The following CFAP299 variants were observed in gnomAD, a reference collection of about 807,000 sequenced individuals.
The protein encoded by CFAP299 is cilia and flagella associated protein 299.
Under a neutral mutation model 27.0 loss-of-function variants are expected in CFAP299, and 21 were observed. The observed-to-expected ratio is 0.78, with a 90% confidence interval of 0.55 to 1.12. CFAP299 has a LOEUF of 1.12. Among genes scored for constraint, CFAP299 ranks in the 50% most tolerant of loss-of-function variants. The probability of loss-of-function intolerance (pLI) is 0.00; values close to 1 mark genes in which losing one functional copy is unlikely to be tolerated. For synonymous variants in CFAP299, 104 were observed against 98.1 expected (o/e 1.06, Z -0.36); for missense variants, 310 against 276.6 (o/e 1.12, Z -0.86).
intron 2 of CFAP299, among the ~76,000 whole-genome samples, chr4:80,530,071 T>G (rs1733393009): frequency 6.6e-6 from 1 of 152,192 alleles, no homozygotes; most frequent in African/African-American, 2.4e-5. Context: ...ATTTTTAAAA[T>G]GCATGTGAGT....
intron 3 of CFAP299, among the ~76,000 whole-genome samples, chr4:80,663,706 G>A (rs1357414643): frequency 2.0e-5 from 3 of 152,088 alleles, no homozygotes; most frequent in East Asian, 3.9e-4. Flanking sequence ...TTGAGGAATC[G>A]CCACACTGTC....
intron 3 of CFAP299, among the ~76,000 whole-genome samples, chr4:80,668,863 T>G (rs1176158926): frequency 6.6e-6 from 1 of 152,102 alleles, no homozygotes. Flanking sequence ...ATGACATTGT[T>G]TTTTTGATAG....
rs941314015 is a variant in CFAP299, at chr4:80,365,336, T to C, written c.242+2452T>C. Among the ~76,000 whole-genome samples, 4 of 152,350 alleles carry C rather than the reference T, an allele frequency of 2.6e-5. No homozygotes were observed. The East Asian group carries it at 5.8e-4, about 22-fold the overall frequency. On this transcript the variant is annotated intron_variant, in intron 2 of 5. Coordinates refer to ENST00000358105, the MANE Select transcript of CFAP299 (RefSeq NM_152770.3). ...ATTGTGGTTTTGATTTGCCTTTCTC[T>C]AATGATCAGTGACGTTGAGCTTTTT...
In CFAP299 at chr4:80,352,574, T is replaced by A. The variant is rs116050892; in HGVS notation, c.112-10180T>A. ...AGAGTGAGACTCTGTCTCAAAAAAA[T>A]AAATAAATAAAAGAGCAGTTCACAC... On this transcript the variant is annotated intron_variant, in intron 1 of 5. Transcript: ENST00000358105. Among the ~76,000 whole-genome samples, 609 of 152,004 alleles carry A rather than the reference T, an allele frequency of 4.0e-3. 3 individuals carry two copies. The highest frequency in any genetic ancestry group is 0.012 in the African/African-American group (509 of 41,484).
intron 2 of CFAP299, among the ~76,000 whole-genome samples, chr4:80,486,629 G>A (rs1054789380): frequency 2.0e-5 from 3 of 152,176 alleles, no homozygotes; most frequent in Admixed American, 6.5e-5. Context: ...TAGGGTTCTT[G>A]TGCTTTCTAA....
At chr4:80,371,455 C>G (rs1053153443) in intron 2 of CFAP299, among the ~76,000 whole-genome samples, 4 of 152,176 alleles carry the variant, frequency 2.6e-5, no homozygotes, top group African/African-American at 7.2e-5. Context: ...TATCACATGG[C>G]TAGGCTGCAA....
At chr4:80,321,787 A>G in the CFAP299 span, among the ~76,000 whole-genome samples, 2 of 152,162 alleles carry the variant, frequency 1.3e-5, no homozygotes, top group African/African-American at 4.8e-5. Context: ...ACCAATACTT[A>G]GATTCTGGGA....
chr4:80,587,743 C>T (rs1411029427), intron 3 of CFAP299, among the ~76,000 whole-genome samples: 3 of 152,118 alleles, frequency 2.0e-5, no homozygotes, highest in Non-Finnish European at 4.4e-5. Flanking sequence ...CAGCATGTGT[C>T]ACCACACCCA....
intron 4 of CFAP299, among the ~76,000 whole-genome samples, chr4:80,891,424 A>G (rs935707297): frequency 7.3e-5 from 11 of 151,656 alleles, no homozygotes; most frequent in African/African-American, 1.9e-4. Flanking sequence ...ACCATGGAAT[A>G]CTATGCAGCC....
At chr4:80,729,273 C>A (rs1416144486) in intron 3 of CFAP299, among the ~76,000 whole-genome samples, 1 of 152,308 alleles carries the variant, frequency 6.6e-6, no homozygotes, top group East Asian at 1.9e-4. Flanking sequence ...GCTACCTTAA[C>A]CCATGCCTGA....
At chr4:80,634,898 A>G (rs920324610) in intron 3 of CFAP299, among the ~76,000 whole-genome samples, 1 of 152,162 alleles carries the variant, frequency 6.6e-6, no homozygotes, top group African/African-American at 2.4e-5. Flanking sequence ...ATTTGCTAAC[A>G]TGTAAAATGT....
chr4:80,339,998 T>C (rs1354802628), intron 1 of CFAP299, among the ~76,000 whole-genome samples: 1 of 152,166 alleles, frequency 6.6e-6, no homozygotes, highest in African/African-American at 2.4e-5. Flanking sequence ...CTTAGGGCAT[T>C]GTCTTCCCAT....
chr4:80,595,499 A>G (rs1018386154), intron 3 of CFAP299, among the ~76,000 whole-genome samples: 12 of 152,106 alleles, frequency 7.9e-5, no homozygotes, highest in African/African-American at 2.9e-4. Flanking sequence ...CTTGTCCAAA[A>G]TTTGTATGTA....
chr4:80,938,065 G>A (rs1195218627), intron 4 of CFAP299, among the ~76,000 whole-genome samples: 1 of 152,038 alleles, frequency 6.6e-6, no homozygotes, highest in Non-Finnish European at 1.5e-5. Context: ...ATTTACACCT[G>A]TTTATGATAT....
intron 3 of CFAP299, among the ~76,000 whole-genome samples, chr4:80,709,132 T>C (rs1260334994): frequency 6.6e-6 from 1 of 152,202 alleles, no homozygotes; most frequent in Non-Finnish European, 1.5e-5. Context: ...TATATTTCTA[T>C]AGTGAAAACC....
At chr4:80,778,834 C>G (rs1034722928) in intron 3 of CFAP299, among the ~76,000 whole-genome samples, 6 of 152,036 alleles carry the variant, frequency 3.9e-5, no homozygotes, top group Non-Finnish European at 5.9e-5. Flanking sequence ...TTGACACAAT[C>G]CACCAATCTC....
At chr4:80,873,126 T>C (rs1733193489) in intron 4 of CFAP299, 1 of 449,784 alleles carries the variant, frequency 2.2e-6, no homozygotes, top group Non-Finnish European at 2.9e-6. Flanking sequence ...AGTATTAATA[T>C]AGCATATGGT....
At chr4:80,431,492 C>T (rs1216489077) in intron 2 of CFAP299, among the ~76,000 whole-genome samples, 3 of 150,256 alleles carry the variant, frequency 2.0e-5, no homozygotes. Context: ...TTTCCGTTTC[C>T]TCCTCCTCCT....
At chr4:80,662,816 A>G (rs1740931880) in intron 3 of CFAP299, among the ~76,000 whole-genome samples, 1 of 152,204 alleles carries the variant, frequency 6.6e-6, no homozygotes, top group African/African-American at 2.4e-5. Flanking sequence ...AGGGGCCAGC[A>G]CTTTGGCTGA....
Sources: allele counts gnomAD v4.1 joint callset (sites outside exome capture counted in the v4.1 genomes callset), GRCh38; gene constraint gnomAD v4.1.1; transcripts MANE v1.5; gene names NCBI Gene and HGNC (gene_info 2026-07-23, HGNC 2026-07-21).